Variants in EYS observed in about 807,000 individuals in gnomAD.
The protein encoded by EYS is protein eyes shut homolog.
In EYS, 250 loss-of-function variants were observed where a neutral mutation model predicts 282.1. The observed-to-expected ratio is 0.89, with a 90% CI of 0.80 to 0.98. The LOEUF (loss-of-function observed/expected upper bound fraction) is 0.98, where lower values mean the gene tolerates loss of function less well. Among genes scored for constraint, EYS ranks in the 50% least tolerant of loss-of-function variants. EYS has a pLI of 0.00. For missense variants in EYS, 4,016 were observed against 3,709.0 expected, an observed-to-expected ratio of 1.08 and a Z score of -2.15; for synonymous variants, 1,355 against 1,282.9, an observed-to-expected ratio of 1.06 and a Z score of -1.20.
In EYS at chr6:64,783,528, T is replaced by C. The variant is rs2149995333; in HGVS notation, c.3443+29850A>G. On this transcript the variant is annotated intron_variant, in intron 22 of 42. Coordinates refer to ENST00000503581, the MANE Select transcript of EYS (RefSeq NM_001142800.2). ...TTTAAGAAATTCAGGTAAAACTATA[T>C]TCACGTTCTCTTATGTGGCTTTTCA... Among the ~76,000 whole-genome samples the C allele has an allele frequency of 2.0e-5, 3 of 152,222 alleles. No individual in the cohort carries two copies. In the Middle Eastern group the frequency reaches 0.01, roughly 521 times the overall value.
chr6:65,623,470 TATA>T (rs577725609), intron 2 of EYS, among the ~76,000 whole-genome samples: 1 of 152,198 alleles, frequency 6.6e-6, no homozygotes, highest in Admixed American at 6.5e-5. Context: ...AACAGTTGTT[TATA>T]ATAAGTAAAT....
chr6:64,341,897 A>G (rs1771129256), intron 29 of EYS, among the ~76,000 whole-genome samples: 1 of 151,700 alleles, frequency 6.6e-6, no homozygotes, highest in Non-Finnish European at 1.5e-5. Flanking sequence ...GAATAAAAGA[A>G]TACCGAATGT....
intron 26 of EYS, among the ~76,000 whole-genome samples, chr6:64,441,078 T>C (rs1561996285): frequency 1.3e-5 from 2 of 152,176 alleles, no homozygotes; most frequent in African/African-American, 2.4e-5. Flanking sequence ...AAAGAAATTA[T>C]GTGGACAATG....
At chr6:65,654,998 A>AT in intron 1 of EYS, among the ~76,000 whole-genome samples, 1 of 151,076 alleles carries the variant, frequency 6.6e-6, no homozygotes, top group South Asian at 2.1e-4. Context: ...AAAAAAAAAA[A>AT]AAATGTTTGT....
intron 35 of EYS, among the ~76,000 whole-genome samples, chr6:63,979,474 T>G (rs1336417730): frequency 6.6e-6 from 1 of 151,980 alleles, no homozygotes; most frequent in Non-Finnish European, 1.5e-5. Context: ...GCTTAGCTCC[T>G]GGTAAAATTA....
At chr6:64,792,688 G>C (rs75312483) in intron 22 of EYS, among the ~76,000 whole-genome samples, 8,773 of 152,090 alleles carry the variant, frequency 0.058, 256 homozygotes, top group East Asian at 0.073. Context: ...AGCAAAAGCA[G>C]CATGTACCCG....
At chr6:65,301,764 T>A (rs1768838113) in intron 11 of EYS, among the ~76,000 whole-genome samples, 2 of 152,328 alleles carry the variant, frequency 1.3e-5, no homozygotes, top group African/African-American at 4.8e-5. Flanking sequence ...GAAACCGTAA[T>A]GACGAACACC....
intron 29 of EYS, among the ~76,000 whole-genome samples, chr6:64,309,695 G>A (rs535495170): frequency 6.6e-6 from 1 of 152,008 alleles, no homozygotes; most frequent in African/African-American, 2.4e-5. Flanking sequence ...AGCCAGGCAC[G>A]GTAGCTCATG....
intron 26 of EYS, among the ~76,000 whole-genome samples, chr6:64,568,557 A>G (rs971203325): frequency 6.6e-6 from 1 of 152,200 alleles, no homozygotes; most frequent in African/African-American, 2.4e-5. Context: ...GGGCAGCTTC[A>G]GCAGACTTAA....
chr6:64,055,290 A>G (rs1445477908), intron 33 of EYS, among the ~76,000 whole-genome samples: 1 of 152,180 alleles, frequency 6.6e-6, no homozygotes, highest in Non-Finnish European at 1.5e-5. Flanking sequence ...GCAGCAATAG[A>G]AGAAATAGGT....
At chr6:65,066,804 T>C (rs1171875918) in intron 12 of EYS, among the ~76,000 whole-genome samples, 1 of 152,162 alleles carries the variant, frequency 6.6e-6, no homozygotes, top group Non-Finnish European at 1.5e-5. Flanking sequence ...CACAAATAGT[T>C]ACATATTGCA....
chr6:65,005,561 T>C (rs1202119195), intron 13 of EYS, among the ~76,000 whole-genome samples: 2 of 147,554 alleles, frequency 1.4e-5, no homozygotes, highest in Non-Finnish European at 3.0e-5. Flanking sequence ...TATTCTGTCC[T>C]ATCCTTCCTT....
rs1771504515 is a variant in EYS at position 64,069,717 on chromosome 6, G to T, written c.6572-3226C>A. Among the ~76,000 whole-genome samples, 3 of 151,898 alleles carry T rather than the reference G, an allele frequency of 2.0e-5. 1 individual carries two copies. In the South Asian group the frequency reaches 6.2e-4, roughly 31 times the overall value. On this transcript the variant is annotated intron_variant, in intron 32 of 42. Transcript: ENST00000503581. ...AAAAGAAAATTATATGAAATGAGTG[G>T]TTCTCAAACTCTTTGATCTAAGGAC...
intron 22 of EYS, among the ~76,000 whole-genome samples, chr6:64,763,533 C>T (rs544332333): frequency 3.3e-5 from 5 of 152,102 alleles, no homozygotes; most frequent in Admixed American, 6.5e-5. Flanking sequence ...CACTAAAAAT[C>T]CCAACTGGAG....
rs1315175190 is a variant in EYS at position 64,626,243 on chromosome 6, C to T, written c.3446G>A (p.Cys1149Tyr). ...AAATTGACCAGAAAATCCAGGAAGA[C>T]ATCTAAGGAAAAAAAATGAAAACGA... ...DGPGHTFDCR[C>Y]LPGFSGQFCE... The change falls in exon 23 of 43, where the codon TGT becomes TAT. Residue 1149 changes from cysteine (C) to tyrosine (Y), a missense_variant and splice_region_variant. Transcript: ENST00000503581. 55 of 1,519,402 alleles carry T rather than the reference C, an allele frequency of 3.6e-5. No individual in the cohort carries two copies. Among genetic ancestry groups the T allele is most frequent in the Non-Finnish European group, 4.5e-5 (51 of 1,137,328 alleles). The allele number at this position is 1,519,402 out of a possible 1,614,324, so 94.1% of individuals were successfully genotyped here. A position where few individuals can be genotyped will look rare whatever the true frequency, so the allele number is the denominator to read the frequency against.
chr6:64,612,118 C>T (rs79692236), intron 24 of EYS, among the ~76,000 whole-genome samples: 44 of 152,162 alleles, frequency 2.9e-4, no homozygotes, highest in Admixed American at 2.6e-4. Context: ...TTGAAGATGA[C>T]ATTTAAAAAC....
intron 5 of EYS, among the ~76,000 whole-genome samples, chr6:65,437,249 G>T (rs557206029): frequency 1.3e-5 from 2 of 152,162 alleles, no homozygotes; most frequent in South Asian, 2.1e-4. Context: ...GCAGTTATGG[G>T]TGTGCTCAGT....
intron 35 of EYS, among the ~76,000 whole-genome samples, chr6:63,921,531 T>G (rs1764573735): frequency 6.6e-6 from 1 of 152,238 alleles, no homozygotes. Flanking sequence ...GTGGCAATTC[T>G]TGCTGGTTCA....
intron 22 of EYS, among the ~76,000 whole-genome samples, chr6:64,791,946 AT>A (rs1345096622): frequency 1.6e-4 from 25 of 151,942 alleles, no homozygotes; most frequent in Admixed American, 1.6e-3. Context: ...GAAGTTTAAA[AT>A]AATAGTATTA....
Sources: allele counts gnomAD v4.1 joint callset (sites outside exome capture counted in the v4.1 genomes callset), GRCh38; gene constraint gnomAD v4.1.1; transcripts MANE v1.5; gene names NCBI Gene and HGNC (gene_info 2026-07-23, HGNC 2026-07-21).